The following HK2 variants were observed in gnomAD, a reference collection of about 807,000 sequenced individuals.
The protein encoded by HK2 is hexokinase-2.
Under a neutral mutation model 92.9 loss-of-function variants are expected in HK2, and 42 were observed. The ratio of observed to expected loss-of-function variants is 0.45; its 90% CI spans 0.35 to 0.58. The LOEUF is 0.58. Ranked by LOEUF, HK2 falls within the 20% of genes least tolerant of loss-of-function variation. The probability of loss-of-function intolerance (pLI) is 0.00; values close to 1 mark genes in which losing one functional copy is unlikely to be tolerated. For synonymous variants in HK2, 422 were observed against 468.0 expected (o/e 0.90, Z 1.27); for missense variants, 978 against 1,245.1 (o/e 0.79, Z 3.23).
At chr2:74,882,619 A>ATG (rs1689430821) in intron 12 of HK2, among the ~76,000 whole-genome samples, 1 of 139,008 alleles carries the variant, frequency 7.2e-6, no homozygotes, top group Non-Finnish European at 1.6e-5. Flanking sequence ...ATATATATAT[A>ATG]TAGCATTTTT....
chr2:74,871,693 C>G (rs1340835848), intron 3 of HK2, among the ~76,000 whole-genome samples: 1 of 152,164 alleles, frequency 6.6e-6, no homozygotes, highest in Admixed American at 6.5e-5. Flanking sequence ...AGTTAGAAAA[C>G]AAAGATAACT....
intron 12 of HK2, among the ~76,000 whole-genome samples, chr2:74,884,718 T>C (rs1689479238): frequency 1.3e-5 from 2 of 152,316 alleles, no homozygotes; most frequent in Non-Finnish European, 2.9e-5. Context: ...AGCCGAGCTC[T>C]TGGGTAAGGA....
Position 74,861,948 on chromosome 2 carries a change from CG to C in HK2, c.227-5686del, listed in dbSNP as rs1424486679. ...TCGATCATTTGACTCTTCTTCACCT[CG>C]GAATTGTGAATTATGTTCACAGGTA... On this transcript the variant is annotated intron_variant, in intron 2 of 17. Transcript: ENST00000290573. Among the ~76,000 whole-genome samples, 6 of 152,286 alleles carry C rather than the reference CG, an allele frequency of 3.9e-5. No homozygotes were observed. The East Asian group carries it at 1.2e-3, about 29-fold the overall frequency.
rs1688088376 is a variant in HK2 at position 74,834,231 on chromosome 2, C to CG, written c.-348dup. ...GGGCCCGAGCCACGCGCCTGTGAATCGGAGAGGTCCCACTGCCCGAGTGGA... is the reference window on the plus strand; with the variant it reads ...GGGCCCGAGCCACGCGCCTGTGAATCGGGAGAGGTCCCACTGCCCGAGTGGA... On this transcript the variant is annotated 5_prime_UTR_variant, in exon 1 of 18. The change abolishes the stop of an existing upstream ORF in the 5' untranslated region. Coordinates refer to ENST00000290573, the MANE Select transcript of HK2 (RefSeq NM_000189.5). This position sits in a 1 kb window ranked among gnomAD's most constrained non-coding sequence, Gnocchi z 4.2. The CG allele has an allele frequency of 2.5e-6, 1 of 404,458 alleles. No individual in the cohort carries two copies. Among genetic ancestry groups the CG allele is most frequent in the African/African-American group, 2.1e-5 (1 of 48,556 alleles). The allele number at this position is 404,458 out of a possible 1,614,324, so 25.1% of individuals were successfully genotyped here.
intron 1 of HK2, among the ~76,000 whole-genome samples, chr2:74,850,731 A>T (rs991597815): frequency 1.3e-5 from 2 of 152,162 alleles, no homozygotes; most frequent in African/African-American, 4.8e-5. Context: ...TCATCTTTGT[A>T]TGGTGGCTGC....
intron 2 of HK2, among the ~76,000 whole-genome samples, chr2:74,858,968 G>A (rs952634542): frequency 2.3e-4 from 35 of 152,218 alleles, no homozygotes; most frequent in African/African-American, 8.0e-4. Flanking sequence ...AAGAAACACA[G>A]TTGGCATAAT....
intron 2 of HK2, among the ~76,000 whole-genome samples, chr2:74,866,128 CT>C (rs1688942562): frequency 6.6e-6 from 1 of 152,036 alleles, no homozygotes; most frequent in Non-Finnish European, 1.5e-5. Context: ...ACCGTTTTCC[CT>C]CTTGGGACCC....
At chr2:74,863,363 G>A (rs971028146) in intron 2 of HK2, among the ~76,000 whole-genome samples, 1 of 152,234 alleles carries the variant, frequency 6.6e-6, no homozygotes, top group African/African-American at 2.4e-5. Flanking sequence ...TAGAAGATCA[G>A]ATCACTCCAT....
intron 2 of HK2, among the ~76,000 whole-genome samples, chr2:74,864,632 A>G (rs1277597195): frequency 6.6e-6 from 1 of 152,070 alleles, no homozygotes; most frequent in Non-Finnish European, 1.5e-5. Flanking sequence ...TCAGCCTCCC[A>G]AGTAACTGGG....
At chr2:74,840,983 A>T (rs1688302492) in intron 1 of HK2, among the ~76,000 whole-genome samples, 1 of 151,220 alleles carries the variant, frequency 6.6e-6, no homozygotes, top group Non-Finnish European at 1.5e-5. Flanking sequence ...TGTGGATCAC[A>T]CACCATGCTT....
intron 1 of HK2, among the ~76,000 whole-genome samples, chr2:74,843,902 C>G (rs1412131186): frequency 6.6e-6 from 1 of 152,222 alleles, no homozygotes; most frequent in African/African-American, 2.4e-5. Flanking sequence ...GTAGCCTCTT[C>G]CCATCAGCTC....
chr2:74,874,117 A>C, intron 6 of HK2, 149 bp from the exon 7 acceptor site: 1 of 1,071,992 alleles, frequency 9.3e-7, no homozygotes, highest in Non-Finnish European at 1.4e-6. Flanking sequence ...GTGGCAGAAG[A>C]TTAGACCATG....
chr2:74,889,239 C>T lies in HK2; in HGVS notation c.2376-6C>T. 3 of 1,611,258 alleles carry T rather than the reference C, an allele frequency of 1.9e-6. No individual in the cohort carries two copies. The highest frequency in any genetic ancestry group is 1.7e-6 in the Non-Finnish European group (2 of 1,178,184). ...CTGAACACTTGCTGTCTCCCTCCCA[C>T]CCCAGTGACTGCCTGGCCCTGCTGC... is the stretch of plus-strand genomic sequence containing the variant. On this transcript the variant is annotated splice_polypyrimidine_tract_variant and splice_region_variant and intron_variant, in intron 16 of 17. Transcript: ENST00000290573.
At chr2:74,869,448 C>T (rs758982744) in intron 3 of HK2, among the ~76,000 whole-genome samples, 2 of 152,148 alleles carry the variant, frequency 1.3e-5, no homozygotes, top group Non-Finnish European at 2.9e-5. Context: ...TGTAAATATA[C>T]ACTTTGGTTA....
intron 1 of HK2, among the ~76,000 whole-genome samples, chr2:74,835,545 T>C (rs1290577758): frequency 1.3e-5 from 2 of 151,160 alleles, no homozygotes. Flanking sequence ...CCGGGTCATT[T>C]ACATAAGAAA....
intron 10 of HK2, among the ~76,000 whole-genome samples, chr2:74,880,897 G>A (rs1035396872): frequency 6.6e-6 from 1 of 152,230 alleles, no homozygotes; most frequent in Non-Finnish European, 1.5e-5. Context: ...GCGCAGAGAA[G>A]TTAAGACACC....
intron 2 of HK2, among the ~76,000 whole-genome samples, chr2:74,866,435 G>A (rs911325615): frequency 1.3e-5 from 2 of 152,156 alleles, no homozygotes; most frequent in East Asian, 1.9e-4. Context: ...GGTGCTGCTC[G>A]CAGTTGGGGC....
intron 2 of HK2, among the ~76,000 whole-genome samples, chr2:74,863,474 G>A (rs756691142): frequency 2.0e-5 from 3 of 152,272 alleles, no homozygotes; most frequent in East Asian, 1.9e-4. Flanking sequence ...AATGGTGGCC[G>A]GCATTGCATT....
At chr2:74,843,750 G>A (rs1218992789) in intron 1 of HK2, among the ~76,000 whole-genome samples, 1 of 152,194 alleles carries the variant, frequency 6.6e-6, no homozygotes. Flanking sequence ...AAAGCCAGAT[G>A]AACCATCTGA....
Sources: gnomAD v4.1 joint callset for allele counts (sites outside exome capture counted in the v4.1 genomes callset) on GRCh38, gnomAD v4.1.1 for gene constraint, Gnocchi (gnomAD v3.1) non-coding constraint, MANE v1.5 for transcripts, NCBI Gene and HGNC (gene_info 2026-07-23, HGNC 2026-07-21) for gene names.